The following CCDC40 variants were observed in gnomAD, a reference collection of about 807,000 sequenced individuals.
CCDC40 encodes coiled-coil domain-containing protein 40.
CCDC40 carries 104 observed loss-of-function variants against 124.5 expected under a neutral mutation model. The ratio of observed to expected loss-of-function variants is 0.84; its 90% CI spans 0.71 to 0.98. The LOEUF (loss-of-function observed/expected upper bound fraction) is 0.98, where lower values mean the gene tolerates loss of function less well. Among genes scored for constraint, CCDC40 ranks in the 50% least tolerant of loss-of-function variants. The probability of loss-of-function intolerance (pLI) is 0.00; values close to 1 mark genes in which losing one functional copy is unlikely to be tolerated. For synonymous variants in CCDC40, 580 were observed against 602.9 expected, an observed-to-expected ratio of 0.96 and a Z score of 0.56; for missense variants, 1,463 against 1,503.9, an observed-to-expected ratio of 0.97 and a Z score of 0.45.
At chr17:80,090,021 G>C in intron 17 of CCDC40, 137 bp downstream of exon 17, 1 of 1,539,408 alleles carries the variant, frequency 6.5e-7, no homozygotes, top group Non-Finnish European at 8.8e-7. Flanking sequence ...GTGGCAATGG[G>C]TGAGATTTCC....
rs188199844 is a variant in CCDC40 at position 80,042,498 on chromosome 17, G to C, written c.552+2228G>C. ...GCATATAGAAATACAATTGGTTTTTGTATACTCACCTGATATTCTGCCACG... is the reference window on the plus strand; with the variant it reads ...GCATATAGAAATACAATTGGTTTTTCTATACTCACCTGATATTCTGCCACG... On this transcript the variant is annotated intron_variant, in intron 3 of 19. Transcript: ENST00000397545. Among the ~76,000 whole-genome samples the C allele has an allele frequency of 2.6e-5, 4 of 152,280 alleles. No homozygotes were observed. The East Asian group carries it at 7.7e-4, about 29-fold the overall frequency.
Position 80,047,367 on chromosome 17 carries a change from C to T in CCDC40, c.641C>T (p.Ser214Phe). The T allele has an allele frequency of 6.2e-7, 1 of 1,613,642 alleles. No homozygotes were observed. The highest frequency in any genetic ancestry group is 8.5e-7 in the Non-Finnish European group (1 of 1,179,892). Reference protein sequence around the residue: ...FRLSHGSDIESSDLEEFVSQE... With the variant: ...FRLSHGSDIEFSDLEEFVSQE... ...CTGAGCCACGGGAGCGACATCGAGTCCTCAGACCTGGAGGAGTTCGTCTCG... is the reference window on the plus strand; with the variant it reads ...CTGAGCCACGGGAGCGACATCGAGTTCTCAGACCTGGAGGAGTTCGTCTCG... Residue 214 changes from serine to phenylalanine, a missense_variant, in exon 4 of 20, where the codon TCC (serine) becomes TTC (phenylalanine). Coordinates refer to ENST00000397545, the MANE Select transcript of CCDC40 (RefSeq NM_017950.4).
At chr17:80,099,084 C>T (rs1047361679) in intron 19 of CCDC40, among the ~76,000 whole-genome samples, 2 of 151,014 alleles carry the variant, frequency 1.3e-5, no homozygotes, top group African/African-American at 4.9e-5. Context: ...AGATCGAGAC[C>T]ATCCTGGCTA....
chr17:80,090,261 G>T lies in CCDC40; in HGVS notation c.2832+377G>T, dbSNP rs1215570522. ...CACGTGCACGAACAACACGGGACGC[G>T]CGCGGGCACGTGCACGAACAACACG... On this transcript the variant is annotated intron_variant, in intron 17 of 19. Coordinates refer to ENST00000397545, the MANE Select transcript of CCDC40 (RefSeq NM_017950.4). The T allele has an allele frequency of 3.4e-5, 27 of 798,070 alleles. 3 individuals carry two copies. The highest frequency in any genetic ancestry group is 9.9e-5 in the East Asian group (3 of 30,252). The allele number at this position is 798,070 out of a possible 1,614,324, so 49.4% of individuals were successfully genotyped here.
intron 3 of CCDC40, chr17:80,040,670 C>A: frequency 7.1e-6 from 1 of 140,778 alleles, no homozygotes. Flanking sequence ...CAGAGTGAGA[C>A]CTTGTCTCAA....
rs200614903 is a variant in CCDC40 at position 80,048,678 on chromosome 17, A to G, written c.772A>G (p.Met258Val). The G allele has an allele frequency of 4.2e-5, 67 of 1,614,128 alleles. No homozygotes were observed. The Admixed American group carries it at 4.3e-4, about 10-fold the overall frequency. Residue 258 changes from methionine (M) to valine (V), a missense_variant, in exon 5 of 20, where the codon ATG (methionine) becomes GTG (valine). Transcript: ENST00000397545. ...IQQPSTEEGA[M>V]AERVESEGSD... The stretch of plus-strand genomic sequence containing the variant: ...GCAGCCCAGCACCGAGGAGGGGGCC[A>G]TGGCAGAGAGAGTGGAGTCCGAGGG...
In CCDC40 at chr17:80,084,895, C is replaced by T. The variant is rs927736485; in HGVS notation, c.2142C>T (p.Ser714=). The T allele has an allele frequency of 8.7e-6, 14 of 1,613,932 alleles. No homozygotes were observed. Among genetic ancestry groups the T allele is most frequent in the African/African-American group, 2.7e-5 (2 of 74,902 alleles). Residue 714 remains serine, a synonymous_variant, in exon 13 of 20, where the codon AGC becomes AGT. Coordinates refer to ENST00000397545, the MANE Select transcript of CCDC40 (RefSeq NM_017950.4). ...KVNELITNSQ[S]EISRRTILIE... is the part of the protein sequence containing the mutation. ...ACGAGCTCATCACCAACAGCCAGAG[C>T]GAGATCTCCCGGCGCACGATCCTGA...
intron 10 of CCDC40, among the ~76,000 whole-genome samples, chr17:80,073,631 T>A (rs2038244667): frequency 6.6e-6 from 1 of 152,212 alleles, no homozygotes; most frequent in Non-Finnish European, 1.5e-5. Context: ...TCAACAGTAT[T>A]GAAATTAGGC....
intron 4 of CCDC40, among the ~76,000 whole-genome samples, chr17:80,048,193 GA>G (rs2037480156): frequency 6.6e-6 from 1 of 152,176 alleles, no homozygotes; most frequent in African/African-American, 2.4e-5. Flanking sequence ...CCCGGAGGTG[GA>G]GGTTGCAGTG....
rs1297259750 is a variant in CCDC40 at position 80,086,548 on chromosome 17, C to G, written c.2449+332C>G. ...GGTGGAAACACTGGCACGGGAAAAG[C>G]CAGGGTCCTGCCAGGCAGGCTCCTG... On this transcript the variant is annotated intron_variant, in intron 14 of 19. Coordinates refer to ENST00000397545, the MANE Select transcript of CCDC40 (RefSeq NM_017950.4). This position sits in a 1 kb window ranked among gnomAD's most constrained non-coding sequence, Gnocchi z 5.5. 2.6e-5 allele frequency: 9 copies of G among 346,774 alleles called. No homozygotes were observed. Among genetic ancestry groups the G allele is most frequent in the Admixed American group, 4.3e-5 (1 of 23,278 alleles). The allele number at this position is 346,774 out of a possible 1,614,324, so 21.5% of individuals were successfully genotyped here.
chr17:80,038,549 G>A (rs111392730), intron 2 of CCDC40, among the ~76,000 whole-genome samples: 37,146 of 151,508 alleles, frequency 0.25, 4,736 homozygotes, highest in African/African-American at 0.31. Context: ...TAAATAGGCC[G>A]GGCACGGTGA....
chr17:80,049,240 C>CA (rs200114991), intron 5 of CCDC40, among the ~76,000 whole-genome samples: 411 of 133,874 alleles, frequency 3.1e-3, no homozygotes, highest in African/African-American at 6.9e-3. Context: ...ACTAAAAATA[C>CA]AAAAAAAAAA....
In CCDC40 at chr17:80,086,065, C is replaced by T. The variant is rs754496723; in HGVS notation, c.2298C>T (p.His766=). Reference sequence around the variant, plus strand: ...GGCTGAGCAAGCTGATCGACGAGCACGATGGCAAGGCGGTCCAGGCCCAGG... The same window carrying T: ...GGCTGAGCAAGCTGATCGACGAGCATGATGGCAAGGCGGTCCAGGCCCAGG... The part of the protein sequence containing the change: ...IKRLSKLIDE[H]DGKAVQAQVT... The change falls in exon 14 of 20, where the codon CAC becomes CAT. Residue 766 remains histidine, a synonymous_variant. Coordinates refer to ENST00000397545, the MANE Select transcript of CCDC40 (RefSeq NM_017950.4). This position sits in a 1 kb window ranked among gnomAD's most constrained non-coding sequence, Gnocchi z 5.5. 8.1e-6 allele frequency: 13 copies of T among 1,614,150 alleles called. No individual in the cohort carries two copies. In the South Asian group the frequency reaches 9.9e-5, roughly 12 times the overall value.
chr17:80,084,624 T>G, intron 12 of CCDC40, 119 bp from the exon 13 acceptor site: 2 of 1,232,042 alleles, frequency 1.6e-6, no homozygotes, highest in South Asian at 2.5e-5. Context: ...CACTCGTGAC[T>G]GTGCGTTTGG....
intron 3 of CCDC40, among the ~76,000 whole-genome samples, chr17:80,046,765 T>C (rs2037430348): frequency 6.6e-6 from 1 of 152,174 alleles, no homozygotes; most frequent in South Asian, 2.1e-4. Flanking sequence ...TCTTCTCTCC[T>C]TTCAAACCAG....
chr17:80,036,716 G>A lies in CCDC40; in HGVS notation c.29+25G>A, dbSNP rs1401408600. The A allele has an allele frequency of 2.7e-6, 4 of 1,464,360 alleles. No homozygotes were observed. The Admixed American group carries it at 9.1e-5, about 33-fold the overall frequency. 90.7% of individuals were successfully genotyped at this position (1,464,360 alleles called of 1,614,324 possible). The stretch of plus-strand genomic sequence containing the variant: ...GGTAAGCCGGGCCGAGGGGCAGCGG[G>A]TCTTGGAGTCGCCAGGCCGCGCTCT... On this transcript the variant is annotated intron_variant, in intron 1 of 19. Transcript: ENST00000397545.
intron 1 of CCDC40, 35 bp downstream of exon 1, chr17:80,036,726 C>T: frequency 6.9e-7 from 1 of 1,459,726 alleles, no homozygotes; most frequent in Non-Finnish European, 9.0e-7. Context: ...GTCTTGGAGT[C>T]GCCAGGCCGC....
intron 9 of CCDC40, among the ~76,000 whole-genome samples, chr17:80,062,158 C>T (rs1219412121): frequency 2.0e-5 from 3 of 152,088 alleles, no homozygotes; most frequent in South Asian, 4.1e-4. Context: ...AGATGACGCT[C>T]ATCACCGTGT....
At chr17:80,038,877 C>T (rs2037199475) in intron 2 of CCDC40, among the ~76,000 whole-genome samples, 1 of 152,128 alleles carries the variant, frequency 6.6e-6, no homozygotes, top group East Asian at 1.9e-4. Flanking sequence ...AGAATTAGGA[C>T]TTGGTCAAGT....
Sources: allele counts gnomAD v4.1 joint callset (sites outside exome capture counted in the v4.1 genomes callset), GRCh38; gene constraint gnomAD v4.1.1; non-coding constraint Gnocchi (gnomAD v3.1); transcripts MANE v1.5; gene names NCBI Gene and HGNC (gene_info 2026-07-23, HGNC 2026-07-21).